Variants in CNTNAP2 observed in about 807,000 individuals in gnomAD.
The protein encoded by CNTNAP2 is contactin-associated protein-like 2.
Under a neutral mutation model 155.2 loss-of-function variants are expected in CNTNAP2, and 98 were observed. That is an observed-to-expected ratio of 0.63 (90% CI 0.54 to 0.75). CNTNAP2 has a LOEUF of 0.75. CNTNAP2 is among the 30% of genes least tolerant of loss of function. The pLI is 0.00. For synonymous variants in CNTNAP2, 651 were observed against 631.2 expected (o/e 1.03, Z -0.47); for missense variants, 1,727 against 1,688.1 (o/e 1.02, Z -0.40).
intron 13 of CNTNAP2, among the ~76,000 whole-genome samples, chr7:147,642,179 C>G (rs1415689445): frequency 2.0e-5 from 3 of 152,050 alleles, no homozygotes; most frequent in Admixed American, 1.3e-4. Flanking sequence ...TTCACAGATT[C>G]CAGTTAATTA....
At chr7:146,843,020 T>TTTTTTG (rs2129201315) in intron 3 of CNTNAP2, among the ~76,000 whole-genome samples, 1 of 99,502 alleles carries the variant, frequency 1.0e-5, no homozygotes, top group South Asian at 3.7e-4. Flanking sequence ...TTTTTTTTTT[T>TTTTTTG]TTTGAGACGG....
chr7:146,831,603 G>A (rs946279192), intron 2 of CNTNAP2, among the ~76,000 whole-genome samples: 4 of 148,534 alleles, frequency 2.7e-5, no homozygotes, highest in Non-Finnish European at 5.9e-5. Flanking sequence ...TTGAACCCAG[G>A]AGGCGGAGGT....
At chr7:146,481,559 C>T (rs1228192469) in intron 1 of CNTNAP2, among the ~76,000 whole-genome samples, 2 of 152,162 alleles carry the variant, frequency 1.3e-5, no homozygotes, top group Non-Finnish European at 2.9e-5. Flanking sequence ...TATTCCACCT[C>T]CTCATCATCA....
intron 11 of CNTNAP2, among the ~76,000 whole-genome samples, chr7:147,526,820 G>A (rs1019019223): frequency 3.9e-5 from 6 of 152,174 alleles, no homozygotes; most frequent in African/African-American, 1.4e-4. Flanking sequence ...TTAAGAGAAA[G>A]AAGAAAGACG....
chr7:147,068,317 C>A lies in CNTNAP2; in HGVS notation c.550+24263C>A, dbSNP rs1230602876. Among the ~76,000 whole-genome samples, 3 of 152,080 alleles carry A rather than the reference C, an allele frequency of 2.0e-5. 1 individual carries two copies. Among genetic ancestry groups the A allele is most frequent in the Non-Finnish European group, 4.4e-5 (3 of 68,010 alleles). ...GTGTTGTATGGAAGTATTTTATAGA[C>A]AAGATTAAACTCCATAATAAATTGA... On this transcript the variant is annotated intron_variant, in intron 4 of 23. Coordinates refer to ENST00000361727, the MANE Select transcript of CNTNAP2 (RefSeq NM_014141.6).
At chr7:147,480,677 T>G (rs777103696) in intron 10 of CNTNAP2, among the ~76,000 whole-genome samples, 3 of 152,156 alleles carry the variant, frequency 2.0e-5, no homozygotes, top group Non-Finnish European at 4.4e-5. Context: ...ACTGAACAGA[T>G]CGTGTTAGCC....
chr7:148,198,008 C>T (rs4725767), intron 18 of CNTNAP2, among the ~76,000 whole-genome samples: 60,994 of 152,106 alleles, frequency 0.4, 13,371 homozygotes, highest in Non-Finnish European at 0.48. Flanking sequence ...CCACTGGAGC[C>T]TTAATCCATG....
At chr7:148,322,602 T>C (rs1331706967) in intron 21 of CNTNAP2, among the ~76,000 whole-genome samples, 1 of 130,004 alleles carries the variant, frequency 7.7e-6, no homozygotes, top group Admixed American at 7.6e-5. Context: ...TAGTTTTGTC[T>C]GTGATCAAGG....
intron 14 of CNTNAP2, among the ~76,000 whole-genome samples, chr7:147,961,691 A>C (rs191010312): frequency 6.6e-6 from 1 of 152,286 alleles, no homozygotes; most frequent in Admixed American, 6.5e-5. Flanking sequence ...GATTATTCTC[A>C]TTGGTAATTC....
intron 1 of CNTNAP2, among the ~76,000 whole-genome samples, chr7:146,311,462 G>A (rs542402025): frequency 7.8e-4 from 119 of 152,026 alleles, no homozygotes; most frequent in Middle Eastern, 6.8e-3. Context: ...AATCAACATT[G>A]TTTATTAAAA....
chr7:147,460,007 G>A (rs1323396615), intron 10 of CNTNAP2, among the ~76,000 whole-genome samples: 5 of 152,080 alleles, frequency 3.3e-5, no homozygotes, highest in African/African-American at 2.4e-5. Flanking sequence ...TGGTGGGCTA[G>A]GGGCGGAATA....
At chr7:146,337,736 T>A (rs1801302506) in intron 1 of CNTNAP2, among the ~76,000 whole-genome samples, 2 of 152,170 alleles carry the variant, frequency 1.3e-5, no homozygotes, top group African/African-American at 4.8e-5. Context: ...CCTCCCAAAG[T>A]GCTGGGATTA....
At chr7:146,389,696 C>CTTTTTTTTTTTTTTT (rs1408040421) in intron 1 of CNTNAP2, among the ~76,000 whole-genome samples, 1 of 140,824 alleles carries the variant, frequency 7.1e-6, no homozygotes, top group African/African-American at 2.7e-5. Context: ...TTTTTCTTTT[C>CTTTTTTTTTTTTTTT]TTTTTTCTTT....
At chr7:147,154,467 A>T (rs1801885063) in intron 8 of CNTNAP2, among the ~76,000 whole-genome samples, 1 of 152,232 alleles carries the variant, frequency 6.6e-6, no homozygotes, top group Admixed American at 6.5e-5. Flanking sequence ...CCTCAAATTT[A>T]AAAACATTTT....
rs1472085136 is a variant in CNTNAP2 at position 148,158,529 on chromosome 7, CT to C, written c.2773+10827del. Among the ~76,000 whole-genome samples, 2 of 152,064 alleles carry C rather than the reference CT, an allele frequency of 1.3e-5. 1 individual carries two copies. On this transcript the variant is annotated intron_variant, in intron 17 of 23. Transcript: ENST00000361727. ...AGCCACCAAGCCTGGACAATTTTTG[CT>C]TTTTTTAAAATGTGCTCCCAAATAA...
chr7:148,316,935 C>T (rs1419617385), intron 21 of CNTNAP2, among the ~76,000 whole-genome samples: 1 of 152,176 alleles, frequency 6.6e-6, no homozygotes, highest in African/African-American at 2.4e-5. Context: ...ATAGTTCAGC[C>T]TCATTTGGCA....
chr7:147,122,511 T>C (rs1201322957), intron 6 of CNTNAP2: 1 of 152,258 alleles, frequency 6.6e-6, no homozygotes, highest in African/African-American at 2.4e-5. Flanking sequence ...ATGAGTGCTA[T>C]TGCACTGTAC....
At chr7:146,496,902 G>A (rs376486265) in intron 1 of CNTNAP2, among the ~76,000 whole-genome samples, 1 of 152,184 alleles carries the variant, frequency 6.6e-6, no homozygotes, top group African/African-American at 2.4e-5. Flanking sequence ...TGTGTTCTCA[G>A]TTCTTGAGTT....
At chr7:146,837,654 G>A (rs898826213) in intron 2 of CNTNAP2, among the ~76,000 whole-genome samples, 1 of 151,940 alleles carries the variant, frequency 6.6e-6, no homozygotes, top group African/African-American at 2.4e-5. Flanking sequence ...ATGCAATGTT[G>A]TTCAGTTTCT....
Sources: gnomAD v4.1 joint callset for allele counts (sites outside exome capture counted in the v4.1 genomes callset) on GRCh38, gnomAD v4.1.1 for gene constraint, MANE v1.5 for transcripts, NCBI Gene and HGNC (gene_info 2026-07-23, HGNC 2026-07-21) for gene names.